STK25: variants seen among roughly 807,000 people sequenced by gnomAD.
STK25 encodes the protein serine/threonine kinase 25.
In STK25, 29 loss-of-function variants were observed where a neutral mutation model predicts 53.8. That is an observed-to-expected ratio of 0.54 (90% CI 0.40 to 0.74). The LOEUF is 0.74. Ranked by LOEUF, STK25 falls within the 30% of genes least tolerant of loss-of-function variation. The probability of loss-of-function intolerance (pLI) is 0.00; values close to 1 mark genes in which losing one functional copy is unlikely to be tolerated. For synonymous variants in STK25, 247 were observed against 238.3 expected (o/e 1.04, Z -0.33); for missense variants, 420 against 568.0 (o/e 0.74, Z 2.65).
At position 241,493,024 on chromosome 2, in the gene STK25, CA is replaced by C. The variant is rs1306532947; in HGVS notation, c.*2637del. On this transcript the variant is annotated 3_prime_UTR_variant, in exon 12 of 12. Coordinates refer to ENST00000316586, the MANE Select transcript of STK25 (RefSeq NM_001271977.2). The stretch of plus-strand genomic sequence containing the variant: ...TTACCAACTTCTGTTTGTTCTTCTA[CA>C]AAACTCATCAGGTACTGGAGTTTCA... 6.3e-7 allele frequency: 1 copy of C among 1,585,264 alleles called. No homozygotes were observed. The highest frequency in any genetic ancestry group is 8.7e-7 in the Non-Finnish European group (1 of 1,153,910).
At chr2:241,504,206 G>GACT (rs1418703816) in intron 2 of STK25, 2 of 453,914 alleles carry the variant, frequency 4.4e-6, no homozygotes, top group Non-Finnish European at 9.1e-6. Context: ...GCAGCAGCTA[G>GACT]AGCAGGCCAG....
Position 241,493,933 on chromosome 2 carries a change from A to G in STK25, c.*1729T>C, listed in dbSNP as rs2018761. 735,044 of 920,894 alleles carry G rather than the reference A, an allele frequency of 0.8. 294,866 individuals carry two copies. Among genetic ancestry groups the G allele is most frequent in the East Asian group, 0.95 (32,899 of 34,520 alleles). The allele number at this position is 920,894 out of a possible 1,614,324, so 57.0% of individuals were successfully genotyped here. A position where few individuals can be genotyped will look rare whatever the true frequency, so the allele number is the denominator to read the frequency against. Reference sequence around the variant, plus strand: ...ACCCTTCTTTTGTCCTGCTTGTCCCATATCCTGGGTTGTTCTTGGGACAGT... The same window carrying G: ...ACCCTTCTTTTGTCCTGCTTGTCCCGTATCCTGGGTTGTTCTTGGGACAGT... On this transcript the variant is annotated 3_prime_UTR_variant, in exon 12 of 12. Transcript: ENST00000316586.
Position 241,499,407 on chromosome 2 carries a change from G to C in STK25, c.435C>G (p.Asn145Lys), listed in dbSNP as rs776769317. Residue 145 changes from asparagine to lysine, a missense_variant, in exon 6 of 12, where the codon AAC becomes AAG. Physicochemically the swap from Asn to Lys is moderately conservative, Grantham distance 94 (BLOSUM62 0). Transcript: ENST00000316586. ...CGTCACCCTGCTCCGAGAGTAGCAC[G>C]TTGGCAGCTGCTTGACACAGGACAG... Reference protein sequence around the residue: ...RKIHRDIKAANVLLSEQGDVK... With the variant: ...RKIHRDIKAAKVLLSEQGDVK... The C allele has an allele frequency of 6.2e-7, 1 of 1,613,442 alleles. No homozygotes were observed. Among genetic ancestry groups the C allele is most frequent in the Non-Finnish European group, 8.5e-7 (1 of 1,179,866 alleles).
upstream of STK25, among the ~76,000 whole-genome samples, chr2:241,508,972 G>C (rs1000319625): frequency 1.3e-5 from 2 of 152,056 alleles, no homozygotes; most frequent in Non-Finnish European, 2.9e-5. Flanking sequence ...GCCCTGGTTC[G>C]AGCGGGCCAG....
chr2:241,495,744 G>A, intron 11 of STK25, 43 bp from the exon 12 acceptor site: 5 of 1,612,382 alleles, frequency 3.1e-6, no homozygotes, highest in Non-Finnish European at 4.2e-6. Context: ...GCACCTCTGT[G>A]CCCAGGCTCC....
chr2:241,508,642 A>G, upstream of STK25: 14 of 985,626 alleles, frequency 1.4e-5, no homozygotes, highest in Non-Finnish European at 1.6e-5. Context: ...GCTCTCTGGG[A>G]CCCCGAGTCC....
At chr2:241,505,113 CA>C (rs2065747252) in intron 2 of STK25, among the ~76,000 whole-genome samples, 35 of 150,528 alleles carry the variant, frequency 2.3e-4, no homozygotes, top group Admixed American at 2.3e-3. Flanking sequence ...TTTGTAGAGA[CA>C]GGGTTTCACC....
chr2:241,508,822 G>A, upstream of STK25: 4 of 903,554 alleles, frequency 4.4e-6, no homozygotes, highest in Non-Finnish European at 5.3e-6. Flanking sequence ...GCCTGGGCGG[G>A]CGGGGCACGT....
rs2125017771 is a variant in STK25 at position 241,508,198 on chromosome 2, G to T, written c.-100-63C>A. On this transcript the variant is annotated intron_variant, in intron 1 of 11. Transcript: ENST00000316586. The stretch of plus-strand genomic sequence containing the variant: ...GTCATCTGAGACCGACCTCCGGGGC[G>T]GCGGGCTCCATGGGTGGGGGGGGGC... The T allele has an allele frequency of 2.2e-6, 3 of 1,359,338 alleles. No homozygotes were observed. In the South Asian group the frequency reaches 5.3e-5, roughly 24 times the overall value. 84.2% of individuals were successfully genotyped at this position (1,359,338 alleles called of 1,614,324 possible). A position where few individuals can be genotyped will look rare whatever the true frequency, so the allele number is the denominator to read the frequency against.
intron 2 of STK25, 50 bp downstream of exon 2, chr2:241,507,956 G>C (rs779536786): frequency 3.3e-6 from 5 of 1,516,114 alleles, no homozygotes; most frequent in Non-Finnish European, 4.5e-6. Flanking sequence ...GGAGACTCTG[G>C]AGCCCCTCGG....
At chr2:241,495,730 G>A (rs1283132230) in intron 11 of STK25, 29 bp from the exon 12 acceptor site, 1 of 1,613,690 alleles carries the variant, frequency 6.2e-7, no homozygotes, top group South Asian at 1.1e-5. Context: ...ACTGCTGCGT[G>A]CGTGCACCTC....
chr2:241,501,114 A>G lies in STK25; in HGVS notation c.262-318T>C. 1 of 553,638 alleles carries G rather than the reference A, an allele frequency of 1.8e-6. No homozygotes were observed. The highest frequency in any genetic ancestry group is 3.3e-6 in the Non-Finnish European group (1 of 307,190). 34.3% of individuals were successfully genotyped at this position (553,638 alleles called of 1,614,324 possible). ...GCATGGCTGGCAAGCATGTGACCCG[A>G]CACACCCATCACCCTCCTGGGCAGG... On this transcript the variant is annotated intron_variant, in intron 3 of 11. Coordinates refer to ENST00000316586, the MANE Select transcript of STK25 (RefSeq NM_001271977.2). The surrounding 1 kb of genome is among the most constrained non-coding windows in gnomAD (Gnocchi z 5.3).
intron 2 of STK25, among the ~76,000 whole-genome samples, chr2:241,506,553 A>G (rs1039403632): frequency 6.6e-6 from 1 of 152,206 alleles, no homozygotes; most frequent in Non-Finnish European, 1.5e-5. Flanking sequence ...AGATCACCTG[A>G]GGTCAGGAGT....
intron 1 of STK25, 62 bp from the exon 2 acceptor site, chr2:241,508,197 C>A: frequency 1.5e-6 from 2 of 1,322,056 alleles, no homozygotes; most frequent in South Asian, 1.8e-5. Context: ...ACCTCCGGGG[C>A]GGCGGGCTCC....
chr2:241,504,384 A>C (rs910340564), intron 2 of STK25, among the ~76,000 whole-genome samples: 1 of 152,208 alleles, frequency 6.6e-6, no homozygotes, highest in Non-Finnish European at 1.5e-5. Context: ...ACCTGCTACC[A>C]GGAGTCCCCA....
rs770654848 is a variant in STK25, at chr2:241,493,260, C to G, written c.*2402G>C. On this transcript the variant is annotated 3_prime_UTR_variant, in exon 12 of 12. Transcript: ENST00000316586. ...TGGGCATTCCCTGTGGCAACCCAGC[C>G]CCTGGAACCCGTGTCCCTATGCTGT... 9 of 1,607,182 alleles carry G rather than the reference C, an allele frequency of 5.6e-6. No homozygotes were observed. The highest frequency in any genetic ancestry group is 6.8e-6 in the Non-Finnish European group (8 of 1,175,410).
chr2:241,497,739 G>GGGAT, intron 9 of STK25, 52 bp from the exon 10 acceptor site: 2 of 1,559,298 alleles, frequency 1.3e-6, no homozygotes, highest in Non-Finnish European at 1.8e-6. Flanking sequence ...GTGACAGGCA[G>GGGAT]GGCACTCCCA....
rs2065252132 is a variant in STK25 at position 241,497,652 on chromosome 2, C to T, written c.1068G>A (p.Gln356=). The change falls in exon 10 of 12, where the codon CAG becomes CAA. Residue 356 remains glutamine, a synonymous_variant. Coordinates refer to ENST00000316586, the MANE Select transcript of STK25 (RefSeq NM_001271977.2). The stretch of plus-strand genomic sequence containing the variant: ...CGGGCCGGACCAGCGTGGACAGGCA[C>T]TGGGACCTCGGCTGCCTCTTGACGG... ...AEPVKRQPRS[Q]CLSTLVRPVF... is the part of the protein sequence containing the mutation. 2 of 1,613,454 alleles carry T rather than the reference C, an allele frequency of 1.2e-6. No homozygotes were observed. The highest frequency in any genetic ancestry group is 1.3e-5 in the African/African-American group (1 of 74,956).
In STK25 at chr2:241,498,357, G is replaced by C. The variant is rs1559830646; in HGVS notation, c.918-8C>G. On this transcript the variant is annotated splice_polypyrimidine_tract_variant and splice_region_variant and intron_variant, in intron 8 of 11. Coordinates refer to ENST00000316586, the MANE Select transcript of STK25 (RefSeq NM_001271977.2). ...TCCTCCGCCTCGCCATCACTGAAGA[G>C]GATGAGGAGTTGCCAGGGCCAGTGG... The C allele has an allele frequency of 6.4e-7, 1 of 1,571,762 alleles. No homozygotes were observed. The highest frequency in any genetic ancestry group is 2.3e-5 in the East Asian group (1 of 44,236).
Sources: gnomAD v4.1 joint callset for allele counts (sites outside exome capture counted in the v4.1 genomes callset) on GRCh38, gnomAD v4.1.1 for gene constraint, Gnocchi (gnomAD v3.1) non-coding constraint, MANE v1.5 for transcripts, NCBI Gene and HGNC (gene_info 2026-07-23, HGNC 2026-07-21) for gene names.